Variants in LNP1 observed in about 807,000 individuals in gnomAD.
The protein encoded by LNP1 is leukemia NUP98 fusion partner 1.
In LNP1, 12 loss-of-function variants were observed where a neutral mutation model predicts 14.5. The observed-to-expected ratio is 0.83, with a 90% CI of 0.53 to 1.34. LNP1 has a LOEUF of 1.34. Among genes scored for constraint, LNP1 ranks in the 40% most tolerant of loss-of-function variants. The pLI, the probability that LNP1 is intolerant of heterozygous loss-of-function variation, is 0.00. For missense variants in LNP1, 198 were observed against 210.9 expected, an observed-to-expected ratio of 0.94 and a Z score of 0.38; for synonymous variants, 75 against 71.4, an observed-to-expected ratio of 1.05 and a Z score of -0.26.
intron 3 of LNP1, 72 bp downstream of exon 3, chr3:100,452,021 AT>A: frequency 2.2e-6 from 2 of 907,972 alleles, no homozygotes; most frequent in Non-Finnish European, 3.4e-6. Flanking sequence ...CCTCTTTATG[AT>A]TGAGGGGAAC....
At chr3:100,427,080 G>T (rs1205420810) in intron 1 of LNP1, among the ~76,000 whole-genome samples, 5 of 152,030 alleles carry the variant, frequency 3.3e-5, no homozygotes, top group Admixed American at 6.6e-5. Context: ...AGGGGCTGCT[G>T]TATGAGGCGA....
At chr3:100,453,041 G>C (rs748921168) in intron 3 of LNP1, among the ~76,000 whole-genome samples, 4 of 152,150 alleles carry the variant, frequency 2.6e-5, no homozygotes, top group Non-Finnish European at 5.9e-5. Context: ...TCTGGTTCTG[G>C]AGCTAGACTC....
In LNP1 at chr3:100,456,173, G is replaced by A. The variant is rs1707508992; in HGVS notation, c.*247G>A. 3 of 347,398 alleles carry A rather than the reference G, an allele frequency of 8.6e-6. No individual in the cohort carries two copies. In the Admixed American group the frequency reaches 1.4e-4, roughly 16 times the overall value. 21.5% of individuals were successfully genotyped at this position (347,398 alleles called of 1,614,324 possible). A position where few individuals can be genotyped will look rare whatever the true frequency, so the allele number is the denominator to read the frequency against. Reference sequence around the variant, plus strand: ...AATCTGCTTGGTTGCCTTTTTATGGGAATAAAGAGAATAAAAGGTATTTTA... The same window carrying A: ...AATCTGCTTGGTTGCCTTTTTATGGAAATAAAGAGAATAAAAGGTATTTTA... On this transcript the variant is annotated 3_prime_UTR_variant, in exon 4 of 4. Coordinates refer to ENST00000383693, the MANE Select transcript of LNP1 (RefSeq NM_001085451.2).
At chr3:100,429,968 G>T (rs1707227872) in intron 2 of LNP1, 83 bp downstream of exon 2, 1 of 1,428,922 alleles carries the variant, frequency 7.0e-7, no homozygotes. Context: ...GGAATCTTTG[G>T]ATATAAAGTT....
chr3:100,447,537 A>G (rs1453243828), intron 2 of LNP1, among the ~76,000 whole-genome samples: 2 of 152,166 alleles, frequency 1.3e-5, no homozygotes, highest in Non-Finnish European at 2.9e-5. Context: ...AACCTGACAC[A>G]TGTATACCTA....
Position 100,401,866 on chromosome 3 carries a change from A to G in LNP1, c.-607A>G, listed in dbSNP as rs1706910582. 6.6e-6 allele frequency: 1 copy of G among 152,228 alleles called. No individual in the cohort carries two copies. The highest frequency in any genetic ancestry group is 2.4e-5 in the African/African-American group (1 of 41,454). 9.4% of individuals were successfully genotyped at this position (152,228 alleles called of 1,614,324 possible). On this transcript the variant is annotated 5_prime_UTR_variant, in exon 1 of 4. Transcript: ENST00000383693. ...CGGCACCAATTAACGAAGCGATGAC[A>G]TCTGCGTTGTTAGGGGTTTCTTAAA... is the stretch of plus-strand genomic sequence containing the variant.
intron 1 of LNP1, among the ~76,000 whole-genome samples, chr3:100,414,196 C>T (rs1285122884): frequency 6.6e-6 from 1 of 152,018 alleles, no homozygotes; most frequent in Admixed American, 6.6e-5. Context: ...GAGATTACTC[C>T]GTGTTATTCA....
Position 100,451,973 on chromosome 3 carries a change from T to G in LNP1, c.387+24T>G, listed in dbSNP as rs2148908780. ...TGGTATGTAACAGAGCTACTGAATA[T>G]TTAAGCCGCTTTAAAAAAGGAAACC... On this transcript the variant is annotated intron_variant, in intron 3 of 3. Coordinates refer to ENST00000383693, the MANE Select transcript of LNP1 (RefSeq NM_001085451.2). The G allele has an allele frequency of 2.7e-6, 4 of 1,508,508 alleles. No homozygotes were observed. In the East Asian group the frequency reaches 9.1e-5, roughly 34 times the overall value. The allele number at this position is 1,508,508 out of a possible 1,614,324, so 93.4% of individuals were successfully genotyped here. A position where few individuals can be genotyped will look rare whatever the true frequency, so the allele number is the denominator to read the frequency against.
chr3:100,421,623 T>G (rs1437442266), intron 1 of LNP1, among the ~76,000 whole-genome samples: 2 of 152,204 alleles, frequency 1.3e-5, no homozygotes, highest in Non-Finnish European at 2.9e-5. Flanking sequence ...TTCCACATCT[T>G]ACAAGTTTTT....
rs1707125351 is a variant in LNP1 at position 100,419,644 on chromosome 3, C to A, written c.-33-10053C>A. The stretch of plus-strand genomic sequence containing the variant: ...GAGAGCCACTTCCTCAATCTCTAAC[C>A]CATAGGAACTGCTAAATCAGTTCCT... On this transcript the variant is annotated intron_variant, in intron 1 of 3. Transcript: ENST00000383693. Among the ~76,000 whole-genome samples the A allele has an allele frequency of 2.6e-5, 4 of 152,184 alleles. No individual in the cohort carries two copies. The South Asian group carries it at 8.3e-4, about 32-fold the overall frequency.
intron 2 of LNP1, among the ~76,000 whole-genome samples, chr3:100,447,718 T>C (rs1477152620): frequency 6.6e-6 from 1 of 152,254 alleles, no homozygotes; most frequent in Non-Finnish European, 1.5e-5. Flanking sequence ...CCAGTCATTT[T>C]ACTCTAGGAC....
chr3:100,451,729 T>A lies in LNP1; in HGVS notation c.167T>A (p.Leu56His). Residue 56 changes from leucine to histidine, a missense_variant, in exon 3 of 4, where the codon CTT becomes CAT. Transcript: ENST00000383693. ...ATTCTGTATTCTCAGCTTCCTGTGC[T>A]TCCCAGAATTCCATCATCTGACTGC... ...KTSLPCPLPV[L>H]PRIPSSDCHP... The A allele has an allele frequency of 1.1e-6, 1 of 895,164 alleles. No homozygotes were observed. Among genetic ancestry groups the A allele is most frequent in the Non-Finnish European group, 1.5e-6 (1 of 686,282 alleles). The allele number at this position is 895,164 out of a possible 1,614,324, so 55.5% of individuals were successfully genotyped here.
intron 2 of LNP1, among the ~76,000 whole-genome samples, chr3:100,438,963 G>A (rs1383079704): frequency 6.6e-6 from 1 of 152,078 alleles, no homozygotes; most frequent in Non-Finnish European, 1.5e-5. Context: ...CAAAAATAGA[G>A]CTCGCATAGC....
intron 2 of LNP1, among the ~76,000 whole-genome samples, chr3:100,433,062 TTTAAAG>T (rs753456651): frequency 1.2e-4 from 19 of 152,302 alleles, no homozygotes; most frequent in Non-Finnish European, 1.8e-4. Flanking sequence ...TTCTTTTTTC[TTTAAAG>T]TTAAAGTTCT....
chr3:100,412,584 A>G (rs188435859), intron 1 of LNP1, among the ~76,000 whole-genome samples: 21 of 152,178 alleles, frequency 1.4e-4, no homozygotes, highest in African/African-American at 5.1e-4. Context: ...ACTTGTCCTA[A>G]CTCATCTACT....
chr3:100,421,138 C>T (rs544756145), intron 1 of LNP1, among the ~76,000 whole-genome samples: 4 of 152,232 alleles, frequency 2.6e-5, no homozygotes, highest in Admixed American at 6.5e-5. Flanking sequence ...GTCACTGCAC[C>T]GGGCTGAAGA....
intron 1 of LNP1, among the ~76,000 whole-genome samples, chr3:100,421,723 G>A (rs572040545): frequency 2.6e-5 from 4 of 152,048 alleles, no homozygotes; most frequent in Admixed American, 2.0e-4. Flanking sequence ...CTGGGTCAAA[G>A]GATGCAAATT....
At chr3:100,447,829 G>A (rs1013474772) in intron 2 of LNP1, among the ~76,000 whole-genome samples, 5 of 151,524 alleles carry the variant, frequency 3.3e-5, no homozygotes, top group Non-Finnish European at 5.9e-5. Context: ...TTTTTACATC[G>A]CTCTTGTTTC....
At chr3:100,419,839 G>T (rs531230631) in intron 1 of LNP1, among the ~76,000 whole-genome samples, 37 of 152,236 alleles carry the variant, frequency 2.4e-4, no homozygotes, top group African/African-American at 8.9e-4. Context: ...GTACATTCAT[G>T]TGCAGGCTCT....
Sources: gnomAD v4.1 joint callset for allele counts (sites outside exome capture counted in the v4.1 genomes callset) on GRCh38, gnomAD v4.1.1 for gene constraint, MANE v1.5 for transcripts, NCBI Gene and HGNC (gene_info 2026-07-23, HGNC 2026-07-21) for gene names.